ENTHD1: variants seen among roughly 807,000 people sequenced by gnomAD.
ENTHD1 encodes ENTH domain-containing protein 1.
Under a neutral mutation model 39.1 loss-of-function variants are expected in ENTHD1, and 23 were observed. The observed-to-expected ratio is 0.59, with a 90% CI of 0.42 to 0.83. The LOEUF (loss-of-function observed/expected upper bound fraction) is 0.83, where lower values mean the gene tolerates loss of function less well. Ranked by LOEUF, ENTHD1 falls within the 40% of genes least tolerant of loss-of-function variation. ENTHD1 has a pLI of 0.00. For synonymous variants in ENTHD1, 230 were observed against 258.2 expected (o/e 0.89, Z 1.05); for missense variants, 624 against 705.4 (o/e 0.88, Z 1.31).
intron 2 of ENTHD1, among the ~76,000 whole-genome samples, chr22:39,871,584 A>G (rs2066244480): frequency 1.3e-5 from 2 of 152,224 alleles, no homozygotes. Flanking sequence ...CTGTTGACAC[A>G]GCACTGAAAG....
chr22:39,869,327 C>T (rs1416842807), intron 2 of ENTHD1, among the ~76,000 whole-genome samples: 2 of 152,114 alleles, frequency 1.3e-5, no homozygotes, highest in Non-Finnish European at 2.9e-5. Flanking sequence ...ATGGGTGCAG[C>T]TGGAGGCCAT....
At chr22:39,799,018 G>T (rs1043464294) in intron 5 of ENTHD1, among the ~76,000 whole-genome samples, 6 of 152,180 alleles carry the variant, frequency 3.9e-5, no homozygotes, top group African/African-American at 1.2e-4. Flanking sequence ...TAATCCCCAG[G>T]CCCCTAGGTG....
At chr22:39,875,611 C>T in intron 2 of ENTHD1, 1 of 1,610,390 alleles carries the variant, frequency 6.2e-7, no homozygotes, top group Non-Finnish European at 8.5e-7. Flanking sequence ...GAGAAAGCAC[C>T]GAGGCTAGGA....
intron 4 of ENTHD1, among the ~76,000 whole-genome samples, chr22:39,821,654 C>T (rs1481371505): frequency 6.6e-6 from 1 of 152,188 alleles, no homozygotes; most frequent in Non-Finnish European, 1.5e-5. Context: ...TCCCTTATTT[C>T]ATTATGTATC....
intron 5 of ENTHD1, among the ~76,000 whole-genome samples, chr22:39,800,119 G>A (rs1014077790): frequency 3.9e-5 from 6 of 152,198 alleles, no homozygotes; most frequent in Admixed American, 6.5e-5. Flanking sequence ...CTGTAGCTAA[G>A]GTTATAGGAG....
chr22:39,848,770 A>C (rs2066011587), intron 3 of ENTHD1, among the ~76,000 whole-genome samples: 1 of 152,158 alleles, frequency 6.6e-6, no homozygotes, highest in Admixed American at 6.5e-5. Context: ...ACTTTTAAAA[A>C]ATAATGTGCA....
intron 2 of ENTHD1, among the ~76,000 whole-genome samples, chr22:39,883,049 AAG>A (rs2066352675): frequency 6.6e-6 from 1 of 151,774 alleles, no homozygotes. Context: ...AAAATACACA[AAG>A]AGAAATATGT....
In ENTHD1 at chr22:39,744,133, G is replaced by A. The variant is rs767573970; in HGVS notation, c.1370C>T (p.Thr457Ile). Residue 457 changes from threonine to isoleucine, a missense_variant, in exon 7 of 7, where the codon ACC becomes ATC. Transcript: ENST00000325157. ...TGTCTTATCTTCATCTTTAAAGGAGGTAGAAGACAACTGTTGATGGGACAG... is the reference window on the plus strand; with the variant it reads ...TGTCTTATCTTCATCTTTAAAGGAGATAGAAGACAACTGTTGATGGGACAG... ...WTLSHQQLSS[T>I]SFKDEDKTAK... 1.1e-5 allele frequency: 17 copies of A among 1,614,030 alleles called. No individual in the cohort carries two copies. The East Asian group carries it at 3.8e-4, about 36-fold the overall frequency.
In ENTHD1 at chr22:39,811,799, G is replaced by A. The variant is rs1476475258; in HGVS notation, c.832+9194C>T. 2.0e-5 allele frequency among the ~76,000 whole-genome samples: 3 copies of A among 151,892 alleles called. No individual in the cohort carries two copies. The East Asian group carries it at 5.8e-4, about 29-fold the overall frequency. ...TCCAGACCATCCTGGCTAACACAGT[G>A]CAACCCCGTCTCTACTAAAAATACA... On this transcript the variant is annotated intron_variant, in intron 5 of 6. Transcript: ENST00000325157.
chr22:39,864,263 T>G (rs2066167187), intron 2 of ENTHD1, among the ~76,000 whole-genome samples: 1 of 152,144 alleles, frequency 6.6e-6, no homozygotes, highest in East Asian at 1.9e-4. Flanking sequence ...CTAGCTACCC[T>G]GGTGCTTTAT....
chr22:39,822,006 T>G (rs1450350599), intron 4 of ENTHD1, among the ~76,000 whole-genome samples: 1 of 152,204 alleles, frequency 6.6e-6, no homozygotes, highest in African/African-American at 2.4e-5. Flanking sequence ...AAACAAGTAT[T>G]CAGACGACAG....
chr22:39,747,850 G>A (rs1013083850), intron 6 of ENTHD1, among the ~76,000 whole-genome samples: 3 of 152,036 alleles, frequency 2.0e-5, no homozygotes, highest in African/African-American at 7.3e-5. Context: ...AATAATAATG[G>A]TGAGTGATGC....
At chr22:39,756,727 T>C (rs923948330) in intron 6 of ENTHD1, among the ~76,000 whole-genome samples, 2 of 152,066 alleles carry the variant, frequency 1.3e-5, no homozygotes, top group Non-Finnish European at 1.5e-5. Flanking sequence ...TGGAGGAAAA[T>C]ATTATTCTAT....
intron 6 of ENTHD1, among the ~76,000 whole-genome samples, chr22:39,745,507 T>C (rs1240548111): frequency 6.6e-6 from 1 of 152,178 alleles, no homozygotes; most frequent in African/African-American, 2.4e-5. Context: ...TATCTCCACT[T>C]CTCAGGAAAA....
intron 6 of ENTHD1, among the ~76,000 whole-genome samples, chr22:39,755,993 T>C (rs2065181319): frequency 6.6e-6 from 1 of 152,098 alleles, no homozygotes; most frequent in Admixed American, 6.5e-5. Context: ...TATCAGCAAC[T>C]ATGCTATTCA....
intron 4 of ENTHD1, among the ~76,000 whole-genome samples, chr22:39,832,368 A>G (rs1398084142): frequency 1.3e-5 from 2 of 152,190 alleles, no homozygotes; most frequent in Admixed American, 1.3e-4. Flanking sequence ...GTGGGCACCT[A>G]CGAAAGGAGA....
intron 3 of ENTHD1, among the ~76,000 whole-genome samples, chr22:39,849,981 C>G (rs1168433002): frequency 6.6e-6 from 1 of 152,100 alleles, no homozygotes; most frequent in African/African-American, 2.4e-5. Context: ...GTCCCACATT[C>G]AAATGTATGG....
intron 2 of ENTHD1, among the ~76,000 whole-genome samples, chr22:39,862,610 TA>T (rs1024445007): frequency 3.3e-5 from 5 of 149,286 alleles, no homozygotes; most frequent in Non-Finnish European, 7.4e-5. Flanking sequence ...AATATAGGCA[TA>T]CAAAGAAGGG....
intron 6 of ENTHD1, among the ~76,000 whole-genome samples, chr22:39,764,646 A>G (rs1209601813): frequency 6.6e-6 from 1 of 151,732 alleles, no homozygotes; most frequent in Non-Finnish European, 1.5e-5. Context: ...ACTGAGAGCC[A>G]ATAACCTGAA....
Sources: allele counts gnomAD v4.1 joint callset (sites outside exome capture counted in the v4.1 genomes callset), GRCh38; gene constraint gnomAD v4.1.1; transcripts MANE v1.5; gene names NCBI Gene and HGNC (gene_info 2026-07-23, HGNC 2026-07-21).